Variants in EYA1 observed in about 807,000 individuals in gnomAD.
The protein encoded by EYA1 is EYA transcriptional coactivator and phosphatase 1.
A neutral mutation model predicts 82.0 loss-of-function variants in EYA1; 16 were observed. The ratio of observed to expected loss-of-function variants is 0.20; its 90% CI spans 0.13 to 0.30. The LOEUF is 0.30. EYA1 is among the 10% of genes least tolerant of loss of function. The probability of loss-of-function intolerance (pLI) is 1.00; values close to 1 mark genes in which losing one functional copy is unlikely to be tolerated. For missense variants in EYA1, 633 were observed against 730.7 expected (o/e 0.87, Z 1.54); for synonymous variants, 261 against 264.4 (o/e 0.99, Z 0.12).
At chr8:71,438,947 G>C (rs1004851483) in intron 2 of EYA1, among the ~76,000 whole-genome samples, 1 of 152,010 alleles carries the variant, frequency 6.6e-6, no homozygotes, top group Non-Finnish European at 1.5e-5. Context: ...GATAAGAATT[G>C]GCCAGAGCAG....
At chr8:71,531,042 C>T (rs1323021170) in intron 2 of EYA1, 5 of 152,200 alleles carry the variant, frequency 3.3e-5, no homozygotes, top group African/African-American at 1.2e-4. Context: ...GAGCTGACAA[C>T]ATCATGATCA....
intron 11 of EYA1, among the ~76,000 whole-genome samples, chr8:71,251,088 C>T (rs919371301): frequency 1.3e-5 from 2 of 152,156 alleles, no homozygotes; most frequent in African/African-American, 2.4e-5. Flanking sequence ...AGAATAGCTG[C>T]ATAAGAAGCC....
At position 71,198,319 on chromosome 8, in the gene EYA1, A is replaced by G. The variant is rs1203593295; in HGVS notation, c.*1021T>C. The G allele has an allele frequency of 6.6e-6, 1 of 152,636 alleles. No individual in the cohort carries two copies. Among genetic ancestry groups the G allele is most frequent in the African/African-American group, 2.4e-5 (1 of 41,456 alleles). The allele number at this position is 152,636 out of a possible 1,614,324, so 9.5% of individuals were successfully genotyped here. A position where few individuals can be genotyped will look rare whatever the true frequency, so the allele number is the denominator to read the frequency against. On this transcript the variant is annotated 3_prime_UTR_variant, in exon 18 of 18. Transcript: ENST00000340726. Reference sequence around the variant, plus strand: ...GAGCTCATTTTGTTTCAAATTGTTTAAGAAACTGCTGTGTTATTTCATCAA... The same window carrying G: ...GAGCTCATTTTGTTTCAAATTGTTTGAGAAACTGCTGTGTTATTTCATCAA...
At chr8:71,217,117 C>A in intron 12 of EYA1, 94 bp from the exon 13 acceptor site, 4 of 922,774 alleles carry the variant, frequency 4.3e-6, no homozygotes, top group Non-Finnish European at 7.1e-6. Flanking sequence ...TTTTAAAGCA[C>A]CTTAATTGGA....
intron 9 of EYA1, among the ~76,000 whole-genome samples, chr8:71,278,915 C>T (rs2128964622): frequency 6.6e-6 from 1 of 152,242 alleles, no homozygotes; most frequent in Non-Finnish European, 1.5e-5. Context: ...AGGGTGGAGG[C>T]CCTCCTCACT....
chr8:71,522,116 A>T (rs1813445740), intron 2 of EYA1, among the ~76,000 whole-genome samples: 1 of 152,168 alleles, frequency 6.6e-6, no homozygotes, highest in Non-Finnish European at 1.5e-5. Flanking sequence ...CTTTATGTGA[A>T]ACTTTCTGGA....
At chr8:71,363,559 T>C (rs1161270060), upstream of EYA1, among the ~76,000 whole-genome samples, 3 of 152,156 alleles carry the variant, frequency 2.0e-5, no homozygotes, top group African/African-American at 7.2e-5. Flanking sequence ...ATTGGATCTG[T>C]TCATATATGC....
chr8:71,436,715 T>A (rs867206691), intron 2 of EYA1, among the ~76,000 whole-genome samples: 1 of 152,156 alleles, frequency 6.6e-6, no homozygotes, highest in African/African-American at 2.4e-5. Flanking sequence ...GAACTGCTAA[T>A]GACACTTAAA....
chr8:71,408,026 G>A lies in EYA1; in HGVS notation c.34-51515C>T, dbSNP rs936778966. 6.1e-3 allele frequency among the ~76,000 whole-genome samples: 918 copies of A among 151,312 alleles called. 11 individuals are homozygous for A. The highest frequency in any genetic ancestry group is 0.021 in the African/African-American group (867 of 41,136). ...CCATCAGACTAACAGCGGATCTCTC[G>A]GCAGAAACCCTACAAGCCAGAAGAG... is the stretch of plus-strand genomic sequence containing the variant. On this transcript the variant is annotated intron_variant, in intron 2 of 18. Transcript: ENST00000643681.
chr8:71,466,948 C>T (rs1241148999), intron 2 of EYA1, among the ~76,000 whole-genome samples: 1 of 152,152 alleles, frequency 6.6e-6, no homozygotes, highest in East Asian at 1.9e-4. Flanking sequence ...TATGTTTCCT[C>T]ACAATGAGAT....
intron 9 of EYA1, among the ~76,000 whole-genome samples, chr8:71,293,976 A>T (rs1425645119): frequency 6.6e-6 from 1 of 151,392 alleles, no homozygotes; most frequent in Admixed American, 6.6e-5. Flanking sequence ...GAAGGAAGAA[A>T]TATAACTGTC....
intron 17 of EYA1, 97 bp from the exon 18 acceptor site, chr8:71,199,517 A>AATGATACTGAAAATGG: frequency 1.3e-6 from 1 of 762,926 alleles, no homozygotes; most frequent in Non-Finnish European, 2.3e-6. Context: ...CCCCATTTTC[A>AATGATACTGAAAATGG]GTATCATTGA....
At chr8:71,496,398 A>T (rs1226153468) in intron 2 of EYA1, among the ~76,000 whole-genome samples, 1 of 152,214 alleles carries the variant, frequency 6.6e-6, no homozygotes, top group Non-Finnish European at 1.5e-5. Flanking sequence ...TTATACCCTG[A>T]TACTGAAAAC....
intron 1 of EYA1, among the ~76,000 whole-genome samples, chr8:71,539,603 C>T (rs1814989672): frequency 6.6e-6 from 1 of 152,186 alleles, no homozygotes; most frequent in Non-Finnish European, 1.5e-5. Flanking sequence ...CAGTCCTACC[C>T]TCAAAGAAAC....
At chr8:71,261,044 T>G (rs970967197) in intron 11 of EYA1, among the ~76,000 whole-genome samples, 4 of 152,146 alleles carry the variant, frequency 2.6e-5, no homozygotes, top group African/African-American at 9.7e-5. Context: ...TCTGAATACA[T>G]GAGTGGTTTA....
intron 2 of EYA1, among the ~76,000 whole-genome samples, chr8:71,380,755 C>T (rs1828654063): frequency 6.6e-6 from 1 of 152,248 alleles, no homozygotes; most frequent in Non-Finnish European, 1.5e-5. Flanking sequence ...TTCCTATAAC[C>T]TGCTTCCTTA....
chr8:71,483,749 T>G (rs1278998929), intron 2 of EYA1, among the ~76,000 whole-genome samples: 2 of 152,086 alleles, frequency 1.3e-5, no homozygotes, highest in Non-Finnish European at 2.9e-5. Context: ...ATGCAATGTG[T>G]AAAAATGAGC....
rs1043397713 is a variant in EYA1, at chr8:71,205,259, A to T, written c.1699-5839T>A. ...ATTTATTTTAAATAGTTCTCTGAAAATAATTTATTAACAAGGCCACTTTTA... is the reference window on the plus strand; with the variant it reads ...ATTTATTTTAAATAGTTCTCTGAAATTAATTTATTAACAAGGCCACTTTTA... On this transcript the variant is annotated intron_variant, in intron 17 of 17. Transcript: ENST00000340726. Among the ~76,000 whole-genome samples the T allele has an allele frequency of 7.2e-5, 11 of 152,278 alleles. 1 individual carries two copies. In the East Asian group the frequency reaches 2.1e-3, roughly 29 times the overall value.
chr8:71,352,887 ACT>A (rs1229078424), intron 3 of EYA1, among the ~76,000 whole-genome samples: 26 of 152,070 alleles, frequency 1.7e-4, no homozygotes, highest in African/African-American at 5.3e-4. Flanking sequence ...CTAAACACAC[ACT>A]CTGTTTCAGT....
Sources: gnomAD v4.1 joint callset for allele counts (sites outside exome capture counted in the v4.1 genomes callset) on GRCh38, gnomAD v4.1.1 for gene constraint, MANE v1.5 for transcripts, NCBI Gene and HGNC (gene_info 2026-07-23, HGNC 2026-07-21) for gene names.